DENND2C: variants seen among roughly 807,000 people sequenced by gnomAD.
DENND2C encodes the protein DENN domain containing 2C.
In DENND2C, 72 loss-of-function variants were observed where a neutral mutation model predicts 112.4. The ratio of observed to expected loss-of-function variants is 0.64; its 90% CI spans 0.53 to 0.78. The LOEUF is 0.78. DENND2C is among the 30% of genes least tolerant of loss of function. The pLI, the probability that DENND2C is intolerant of heterozygous loss-of-function variation, is 0.00. For missense variants in DENND2C, 992 were observed against 1,113.8 expected, an observed-to-expected ratio of 0.89 and a Z score of 1.56; for synonymous variants, 329 against 381.6, an observed-to-expected ratio of 0.86 and a Z score of 1.61.
intron 10 of DENND2C, among the ~76,000 whole-genome samples, chr1:114,608,264 A>G (rs222501): frequency 0.87 from 132,491 of 151,526 alleles, 58,438 homozygotes; most frequent in African/African-American, 0.96. Flanking sequence ...GCAAGACTCC[A>G]TCTAAAAAAA....
At chr1:114,628,319 C>CA (rs760000537) in intron 3 of DENND2C, among the ~76,000 whole-genome samples, 8,296 of 71,704 alleles carry the variant, frequency 0.12, 339 homozygotes, top group African/African-American at 0.18. Flanking sequence ...GACCCCAACT[C>CA]AAAAAAAAAA....
chr1:114,612,212 C>A (rs1655839039), intron 8 of DENND2C, among the ~76,000 whole-genome samples: 1 of 152,078 alleles, frequency 6.6e-6, no homozygotes, highest in South Asian at 2.1e-4. Flanking sequence ...ACATTTTCAA[C>A]CATGATATTG....
At chr1:114,588,081 G>C in intron 18 of DENND2C, 129 bp from the exon 19 acceptor site, 1 of 775,414 alleles carries the variant, frequency 1.3e-6, no homozygotes, top group Non-Finnish European at 2.0e-6. Context: ...AAATCTAGGA[G>C]TGTTCATTCT....
At chr1:114,591,767 G>A (rs761287918) in intron 18 of DENND2C, among the ~76,000 whole-genome samples, 11 of 151,454 alleles carry the variant, frequency 7.3e-5, no homozygotes, top group Non-Finnish European at 1.5e-4. Context: ...TAACATTTAA[G>A]TCTTTAAATT....
chr1:114,606,030 T>C (rs992896146), intron 10 of DENND2C, among the ~76,000 whole-genome samples: 1 of 152,180 alleles, frequency 6.6e-6, no homozygotes, highest in Admixed American at 6.5e-5. Context: ...TTAAGTCTAA[T>C]TACCATATTG....
chr1:114,666,621 A>T (rs115453763), intron 1 of DENND2C, among the ~76,000 whole-genome samples: 1,715 of 151,974 alleles, frequency 0.011, 27 homozygotes, highest in African/African-American at 0.039. Flanking sequence ...ACACCCGTAT[A>T]ATTTTTGTAT....
intron 3 of DENND2C, among the ~76,000 whole-genome samples, chr1:114,632,633 T>C (rs1448576041): frequency 6.6e-6 from 1 of 152,166 alleles, no homozygotes; most frequent in Non-Finnish European, 1.5e-5. Context: ...CAAGTACAAA[T>C]TGAAAATGTG....
chr1:114,646,622 C>T (rs1175545761), intron 2 of DENND2C, among the ~76,000 whole-genome samples: 1 of 152,126 alleles, frequency 6.6e-6, no homozygotes, highest in Non-Finnish European at 1.5e-5. Flanking sequence ...TCTACTCTTC[C>T]CTTGGGGATC....
At chr1:114,591,446 A>G (rs1655187639) in intron 18 of DENND2C, among the ~76,000 whole-genome samples, 1 of 151,682 alleles carries the variant, frequency 6.6e-6, no homozygotes, top group Admixed American at 6.6e-5. Context: ...TCATTTTTCT[A>G]TTGGATTGTT....
At chr1:114,622,880 A>G in intron 6 of DENND2C, 107 bp downstream of exon 6, 1 of 710,294 alleles carries the variant, frequency 1.4e-6, no homozygotes, top group Non-Finnish European at 2.1e-6. Context: ...ATTAAAACTT[A>G]CATTTCAGTG....
At chr1:114,640,848 T>G (rs1656817144) in intron 3 of DENND2C, among the ~76,000 whole-genome samples, 1 of 152,208 alleles carries the variant, frequency 6.6e-6, no homozygotes, top group African/African-American at 2.4e-5. Flanking sequence ...ATAACTGCTG[T>G]TAAAGAGTAA....
chr1:114,664,547 T>G (rs1657595222), intron 1 of DENND2C, among the ~76,000 whole-genome samples: 1 of 151,966 alleles, frequency 6.6e-6, no homozygotes. Context: ...TGGCACAATC[T>G]CAGCTCACTG....
At chr1:114,645,688 A>C (rs1455789118) in intron 2 of DENND2C, 129 bp from the exon 3 acceptor site, 3 of 152,206 alleles carry the variant, frequency 2.0e-5, no homozygotes, top group Admixed American at 1.3e-4. Context: ...AAATTAAGCA[A>C]GGATTTTTGT....
intron 3 of DENND2C, among the ~76,000 whole-genome samples, chr1:114,632,857 C>A (rs979596925): frequency 3.3e-5 from 5 of 151,922 alleles, no homozygotes; most frequent in Non-Finnish European, 5.9e-5. Flanking sequence ...GCACATTCAA[C>A]TCGTATGCAG....
chr1:114,615,922 A>T (rs1009476982), intron 8 of DENND2C, among the ~76,000 whole-genome samples: 1 of 152,014 alleles, frequency 6.6e-6, no homozygotes, highest in African/African-American at 2.4e-5. Flanking sequence ...AAAAATACAA[A>T]AAATTAGCCG....
chr1:114,588,341 T>C (rs1655099447), intron 18 of DENND2C, among the ~76,000 whole-genome samples: 3 of 152,364 alleles, frequency 2.0e-5, no homozygotes, highest in African/African-American at 4.8e-5. Context: ...CCTACAACTC[T>C]ATGCTCTTCT....
At chr1:114,657,239 C>G (rs1657359008) in intron 1 of DENND2C, among the ~76,000 whole-genome samples, 1 of 152,144 alleles carries the variant, frequency 6.6e-6, no homozygotes, top group Non-Finnish European at 1.5e-5. Flanking sequence ...GTCAACTTTT[C>G]AAACTCATTT....
At chr1:114,654,215 G>A (rs1178408533) in intron 2 of DENND2C, among the ~76,000 whole-genome samples, 3 of 152,050 alleles carry the variant, frequency 2.0e-5, no homozygotes, top group African/African-American at 7.2e-5. Flanking sequence ...GGTGGATCAC[G>A]AAGTCAGGAG....
intron 3 of DENND2C, among the ~76,000 whole-genome samples, chr1:114,633,624 C>T (rs1656561505): frequency 6.6e-6 from 1 of 151,306 alleles, no homozygotes; most frequent in African/African-American, 2.4e-5. Context: ...AAAGGAATGG[C>T]TAAGAAGTCA....
Sources: allele counts gnomAD v4.1 joint callset (sites outside exome capture counted in the v4.1 genomes callset), GRCh38; gene constraint gnomAD v4.1.1; transcripts MANE v1.5; gene names NCBI Gene and HGNC (gene_info 2026-07-23, HGNC 2026-07-21).